WDR44: variants seen among roughly 807,000 people sequenced by gnomAD.
The protein encoded by WDR44 is WD repeat-containing protein 44.
In WDR44, 9 loss-of-function variants were observed where a neutral mutation model predicts 65.7. The ratio of observed to expected loss-of-function variants is 0.14; its 90% CI spans 0.08 to 0.24. WDR44 has a LOEUF of 0.24. WDR44 is among the 10% of genes least tolerant of loss of function. The pLI is 1.00. For missense variants in WDR44, 425 were observed against 670.9 expected, an observed-to-expected ratio of 0.63 and a Z score of 4.05; for synonymous variants, 220 against 235.2, an observed-to-expected ratio of 0.94 and a Z score of 0.59.
chrX:118,370,251 A>G (rs1403094918), intron 1 of WDR44, among the ~76,000 whole-genome samples: 2 of 111,799 alleles, frequency 1.8e-5, no homozygotes, highest in African/African-American at 6.5e-5. Context: ...TTTGCAAAAC[A>G]TATGGTTTAG....
intron 6 of WDR44, 66 bp downstream of exon 6, chrX:118,395,410 A>G (rs2056857346): frequency 1.1e-6 from 1 of 945,167 alleles, no homozygotes; most frequent in Non-Finnish European, 1.5e-6. Context: ...TGGGAAGATG[A>G]AAACGTTCTG....
At chrX:118,395,114 C>A in intron 5 of WDR44, 135 bp from the exon 6 acceptor site, 1 of 560,204 alleles carries the variant, frequency 1.8e-6, no homozygotes, top group African/African-American at 2.3e-5. Flanking sequence ...AGGACTGAAA[C>A]GTAATGTTCC....
chrX:118,366,589 T>C (rs1001464481), intron 1 of WDR44, among the ~76,000 whole-genome samples: 6 of 111,116 alleles, frequency 5.4e-5, no homozygotes, highest in Non-Finnish European at 9.4e-5. Flanking sequence ...GATTGTAATA[T>C]ATGGACCGTA....
intron 13 of WDR44, among the ~76,000 whole-genome samples, chrX:118,433,632 A>T (rs935257027): frequency 3.6e-5 from 4 of 111,813 alleles, no homozygotes; most frequent in African/African-American, 1.3e-4. Context: ...TACCTTCCTC[A>T]TAGTGTTATA....
intron 19 of WDR44, among the ~76,000 whole-genome samples, chrX:118,445,941 A>G (rs2057341989): frequency 9.2e-6 from 1 of 108,632 alleles, no homozygotes; most frequent in South Asian, 4.1e-4. Context: ...GAGGCTGGAG[A>G]ATCGCTTGAA....
chrX:118,438,531 C>T (rs936789331), intron 14 of WDR44, among the ~76,000 whole-genome samples: 2 of 110,933 alleles, frequency 1.8e-5, no homozygotes, highest in Admixed American at 9.7e-5. Flanking sequence ...TTCCCTGGCT[C>T]GGGTGATACT....
intron 3 of WDR44, among the ~76,000 whole-genome samples, chrX:118,391,863 C>G (rs989566272): frequency 9.0e-6 from 1 of 111,054 alleles, no homozygotes; most frequent in Non-Finnish European, 1.9e-5. Context: ...CCTGTAATCT[C>G]AGCTTTTAGG....
chrX:118,386,403 A>T (rs1198178052), intron 2 of WDR44: 5 of 283,072 alleles, frequency 1.8e-5, no homozygotes, highest in Non-Finnish European at 3.5e-5. Flanking sequence ...AACCTCCCAA[A>T]TATATATATA....
chrX:118,411,058 C>T lies in WDR44; in HGVS notation c.1737+99C>T, dbSNP rs901580685. 2.0e-5 allele frequency: 13 copies of T among 652,829 alleles called. No homozygotes were observed. The African/African-American group carries it at 3.0e-4, about 15-fold the overall frequency. The allele number at this position is 652,829 out of a possible 1,213,427, so 53.8% of individuals were successfully genotyped here. A position where few individuals can be genotyped will look rare whatever the true frequency, so the allele number is the denominator to read the frequency against. Reference sequence around the variant, plus strand: ...ATCAGAAATTACAGTTGCATGAAGACACTTAATATAAAATTAAGATGTATC... The same window carrying T: ...ATCAGAAATTACAGTTGCATGAAGATACTTAATATAAAATTAAGATGTATC... On this transcript the variant is annotated intron_variant, in intron 12 of 19. Transcript: ENST00000254029.
At chrX:118,384,767 G>A (rs1255069693) in intron 2 of WDR44, among the ~76,000 whole-genome samples, 5 of 111,584 alleles carry the variant, frequency 4.5e-5, no homozygotes, top group African/African-American at 1.3e-4. Flanking sequence ...ATTGCCTTGG[G>A]CAGTGTGGCC....
intron 9 of WDR44, among the ~76,000 whole-genome samples, chrX:118,405,262 C>G (rs1417868676): frequency 2.8e-5 from 3 of 108,313 alleles, no homozygotes; most frequent in Non-Finnish European, 3.8e-5. Context: ...TATTGAACTC[C>G]TGACCTCAGG....
intron 12 of WDR44, among the ~76,000 whole-genome samples, chrX:118,429,451 TG>T (rs1345078729): frequency 9.3e-6 from 1 of 107,862 alleles, no homozygotes; most frequent in Non-Finnish European, 1.9e-5. Context: ...TAGATGGGTG[TG>T]GTGCTGTGTG....
chrX:118,391,684 G>A (rs1451376413), intron 3 of WDR44, among the ~76,000 whole-genome samples: 1 of 111,866 alleles, frequency 8.9e-6, no homozygotes, highest in African/African-American at 3.2e-5. Flanking sequence ...TATATTTTAA[G>A]CTACATATAA....
chrX:118,446,522 G>T (rs776929789), intron 19 of WDR44, among the ~76,000 whole-genome samples: 1 of 111,854 alleles, frequency 8.9e-6, no homozygotes, highest in African/African-American at 3.2e-5. Flanking sequence ...AAAGCCACAG[G>T]AATAGATACA....
chrX:118,356,846 C>CTT (rs774889869), intron 1 of WDR44, among the ~76,000 whole-genome samples: 26 of 90,071 alleles, frequency 2.9e-4, no homozygotes, highest in South Asian at 2.7e-3. Flanking sequence ...ATATTTCTTT[C>CTT]TTTTTTTTTT....
chrX:118,445,826 G>A (rs1436942537), intron 19 of WDR44, among the ~76,000 whole-genome samples: 2 of 110,820 alleles, frequency 1.8e-5, no homozygotes, highest in East Asian at 5.6e-4. Context: ...TTGAGAGTTC[G>A]AGACCATCCT....
At chrX:118,429,627 A>G (rs1447359734) in intron 12 of WDR44, among the ~76,000 whole-genome samples, 1 of 110,301 alleles carries the variant, frequency 9.1e-6, no homozygotes, top group East Asian at 2.8e-4. Context: ...TCAAATGTGG[A>G]TAAAGATTCA....
At chrX:118,368,459 C>CTATACATATATATATATATATATATATA (rs2056573277) in intron 1 of WDR44, among the ~76,000 whole-genome samples, 1 of 72,921 alleles carries the variant, frequency 1.4e-5, no homozygotes, top group African/African-American at 7.2e-5. Flanking sequence ...GAAATAGTGA[C>CTATACATATATATATATATATATATATA]TATATATATA....
intron 19 of WDR44, chrX:118,447,081 C>T: frequency 3.1e-6 from 1 of 323,057 alleles, no homozygotes; most frequent in Non-Finnish European, 6.0e-6. Flanking sequence ...CGTTATGTTG[C>T]CCAGGCTGGT....
Sources: gnomAD v4.1 joint callset for allele counts (sites outside exome capture counted in the v4.1 genomes callset) on GRCh38, gnomAD v4.1.1 for gene constraint, MANE v1.5 for transcripts, NCBI Gene and HGNC (gene_info 2026-07-23, HGNC 2026-07-21) for gene names.